Variants in RUFY3 observed in about 807,000 individuals in gnomAD.
RUFY3 encodes the protein RUN and FYVE domain containing 3.
A neutral mutation model predicts 84.0 loss-of-function variants in RUFY3; 34 were observed. The observed-to-expected ratio is 0.40, with a 90% CI of 0.31 to 0.54. The LOEUF (loss-of-function observed/expected upper bound fraction) is 0.54, where lower values mean the gene tolerates loss of function less well. Among genes scored for constraint, RUFY3 ranks in the 20% least tolerant of loss-of-function variants. The pLI is 0.39. For synonymous variants in RUFY3, 242 were observed against 252.9 expected (o/e 0.96, Z 0.41); for missense variants, 507 against 736.8 (o/e 0.69, Z 3.61).
At chr4:70,711,297 T>G (rs1740972880) in intron 1 of RUFY3, among the ~76,000 whole-genome samples, 1 of 151,984 alleles carries the variant, frequency 6.6e-6, no homozygotes, top group African/African-American at 2.4e-5. Flanking sequence ...TGTATGCTTC[T>G]TTAAACTTTG....
chr4:70,762,714 C>G (rs746687787), intron 2 of RUFY3, 22 bp downstream of exon 2: 1 of 1,595,562 alleles, frequency 6.3e-7, no homozygotes. Context: ...CCCCAAAATG[C>G]AAATATGCAT....
upstream of RUFY3, chr4:70,703,807 T>C (rs938494911): frequency 1.3e-5 from 2 of 152,156 alleles, no homozygotes; most frequent in African/African-American, 4.8e-5. Flanking sequence ...AAGTACAACT[T>C]CCTCTACACA....
At chr4:70,775,011 G>A (rs1057255582) in intron 6 of RUFY3, among the ~76,000 whole-genome samples, 157 bp from the exon 7 acceptor site, 2 of 149,808 alleles carry the variant, frequency 1.3e-5, no homozygotes, top group Non-Finnish European at 3.0e-5. Flanking sequence ...TTGTTGCTAT[G>A]TCAAGAGGGT....
intron 5 of RUFY3, among the ~76,000 whole-genome samples, chr4:70,772,880 C>T (rs1413632846): frequency 2.6e-5 from 4 of 152,092 alleles, no homozygotes; most frequent in Admixed American, 2.0e-4. Context: ...AGTCTGGTCT[C>T]GAACTCCTGA....
intron 1 of RUFY3, among the ~76,000 whole-genome samples, chr4:70,750,076 C>T (rs753080053): frequency 7.2e-5 from 11 of 151,938 alleles, no homozygotes; most frequent in Admixed American, 2.6e-4. Flanking sequence ...TCATAGCTCT[C>T]GTAGCTCTCT....
intron 1 of RUFY3, among the ~76,000 whole-genome samples, chr4:70,706,214 C>G (rs981959529): frequency 6.6e-6 from 1 of 152,106 alleles, no homozygotes; most frequent in African/African-American, 2.4e-5. Context: ...CTGTAAGCGC[C>G]AAATACTTTG....
chr4:70,783,729 A>G (rs1352484225), intron 9 of RUFY3, among the ~76,000 whole-genome samples: 1 of 152,234 alleles, frequency 6.6e-6, no homozygotes, highest in Non-Finnish European at 1.5e-5. Context: ...ATCATTAATT[A>G]CCAACATTGA....
At chr4:70,788,685 A>G (rs1730311099) in intron 10 of RUFY3, 121 bp from the exon 11 acceptor site, 2 of 957,854 alleles carry the variant, frequency 2.1e-6, no homozygotes, top group African/African-American at 3.3e-5. Context: ...ATGGTAGCTT[A>G]AGCTATTTTG....
intron 1 of RUFY3, among the ~76,000 whole-genome samples, chr4:70,759,982 A>ATTTC (rs150544655): frequency 0.027 from 4,086 of 152,264 alleles, 77 homozygotes; most frequent in Middle Eastern, 0.054. Context: ...ATAAAAATGA[A>ATTTC]TTATCTAGCT....
chr4:70,797,541 A>G (rs1024475634), intron 14 of RUFY3, among the ~76,000 whole-genome samples: 2 of 152,228 alleles, frequency 1.3e-5, no homozygotes, highest in East Asian at 3.9e-4. Flanking sequence ...TAATAATTTA[A>G]AGTGTACAAA....
At chr4:70,730,869 T>C (rs1228380940) in intron 1 of RUFY3, among the ~76,000 whole-genome samples, 5 of 152,226 alleles carry the variant, frequency 3.3e-5, no homozygotes, top group Non-Finnish European at 7.3e-5. Flanking sequence ...TTCTAGAGTG[T>C]AAGTCCAACA....
intron 1 of RUFY3, among the ~76,000 whole-genome samples, chr4:70,723,337 C>G (rs1717686942): frequency 6.6e-6 from 1 of 151,974 alleles, no homozygotes; most frequent in Non-Finnish European, 1.5e-5. Flanking sequence ...AATATGGACT[C>G]CTAAGAAAGC....
chr4:70,756,780 G>C (rs1724093608), intron 1 of RUFY3, among the ~76,000 whole-genome samples: 1 of 152,120 alleles, frequency 6.6e-6, no homozygotes, highest in Non-Finnish European at 1.5e-5. Context: ...ATATACCATT[G>C]TTGGAGTTCT....
At chr4:70,794,488 G>A (rs1454494553) in intron 13 of RUFY3, among the ~76,000 whole-genome samples, 1 of 152,180 alleles carries the variant, frequency 6.6e-6, no homozygotes, top group Non-Finnish European at 1.5e-5. Flanking sequence ...GGCTGAGGCA[G>A]GAGAATTGCT....
chr4:70,769,530 G>C (rs1726589736), intron 5 of RUFY3, among the ~76,000 whole-genome samples: 1 of 152,220 alleles, frequency 6.6e-6, no homozygotes, highest in Admixed American at 6.5e-5. Flanking sequence ...GTTAATGGCT[G>C]CTGACTGATC....
At position 70,781,585 on chromosome 4, in the gene RUFY3, A is replaced by G. The variant is rs72850546; in HGVS notation, c.895-1506A>G. On this transcript the variant is annotated intron_variant, in intron 8 of 17. Coordinates refer to ENST00000381006, the MANE Select transcript of RUFY3 (RefSeq NM_001037442.4). The stretch of plus-strand genomic sequence containing the variant: ...ATCAGGTTTCCCAATAGTTTCTCTT[A>G]AATCAAGATTTTGGAATGACCTGCC... 5.5e-3 allele frequency among the ~76,000 whole-genome samples: 831 copies of G among 152,342 alleles called. 12 individuals are homozygous for G. Among genetic ancestry groups the G allele is most frequent in the African/African-American group, 0.019 (792 of 41,578 alleles).
intron 1 of RUFY3, among the ~76,000 whole-genome samples, chr4:70,759,952 A>G (rs1724744566): frequency 6.6e-6 from 1 of 152,186 alleles, no homozygotes; most frequent in Non-Finnish European, 1.5e-5. Flanking sequence ...TGTGAAAATT[A>G]GTTTTCAGAA....
At chr4:70,728,729 G>A (rs957151094) in intron 1 of RUFY3, among the ~76,000 whole-genome samples, 7 of 151,520 alleles carry the variant, frequency 4.6e-5, no homozygotes, top group African/African-American at 1.2e-4. Flanking sequence ...ATCATTTTTC[G>A]GATATTTATA....
At chr4:70,704,740 GC>G (rs1740052855), upstream of RUFY3, 1 of 348,452 alleles carries the variant, frequency 2.9e-6, no homozygotes, top group East Asian at 4.7e-5. Context: ...GGTCCCTCCA[GC>G]TGGCTTGGAC....
Sources: gnomAD v4.1 joint callset for allele counts (sites outside exome capture counted in the v4.1 genomes callset) on GRCh38, gnomAD v4.1.1 for gene constraint, MANE v1.5 for transcripts, NCBI Gene and HGNC (gene_info 2026-07-23, HGNC 2026-07-21) for gene names.